Variants in DOCK9 observed in about 807,000 individuals in gnomAD.
DOCK9 encodes the protein dedicator of cytokinesis 9.
In DOCK9, 89 loss-of-function variants were observed where a neutral mutation model predicts 263.3. The observed-to-expected ratio is 0.34, with a 90% CI of 0.28 to 0.40. The LOEUF (loss-of-function observed/expected upper bound fraction) is 0.40. Ranked by LOEUF, DOCK9 falls within the 10% of genes least tolerant of loss-of-function variation. DOCK9 has a pLI of 1.00. For synonymous variants in DOCK9, 976 were observed against 973.1 expected, an observed-to-expected ratio of 1.00 and a Z score of -0.06; for missense variants, 2,140 against 2,603.4, an observed-to-expected ratio of 0.82 and a Z score of 3.87.
chr13:98,953,077 GACAGTTAATA>G (rs2057639036), intron 2 of DOCK9, among the ~76,000 whole-genome samples: 1 of 152,154 alleles, frequency 6.6e-6, no homozygotes, highest in Non-Finnish European at 1.5e-5. Context: ...CAGCTAATTA[GACAGTTAATA>G]ACATCACTGA....
intron 1 of DOCK9, among the ~76,000 whole-genome samples, chr13:98,972,066 A>G (rs2059791321): frequency 6.6e-6 from 1 of 152,126 alleles, no homozygotes; most frequent in East Asian, 1.9e-4. Flanking sequence ...CCAGGTATGG[A>G]TTTTAGAAAA....
At chr13:99,052,445 C>T (rs1325450917) in intron 1 of DOCK9, among the ~76,000 whole-genome samples, 1 of 152,184 alleles carries the variant, frequency 6.6e-6, no homozygotes, top group African/African-American at 2.4e-5. Context: ...AGACCACACT[C>T]CGTATCCAAG....
At chr13:98,876,582 T>C (rs527912479) in intron 27 of DOCK9, among the ~76,000 whole-genome samples, 28 of 152,320 alleles carry the variant, frequency 1.8e-4, no homozygotes, top group African/African-American at 6.3e-4. Context: ...GGTACAGGAA[T>C]GGTGAATATT....
chr13:98,957,302 T>C (rs1423482964), intron 1 of DOCK9, among the ~76,000 whole-genome samples: 1 of 151,984 alleles, frequency 6.6e-6, no homozygotes, highest in Non-Finnish European at 1.5e-5. Flanking sequence ...GATTCTGGAG[T>C]TGCCTGAAGT....
chr13:98,881,237 A>T lies in DOCK9; in HGVS notation c.2745+321T>A, dbSNP rs893475931. Among the ~76,000 whole-genome samples, 106 of 152,330 alleles carry T rather than the reference A, an allele frequency of 7.0e-4. 1 individual carries two copies. Among genetic ancestry groups the T allele is most frequent in the African/African-American group, 2.3e-3 (94 of 41,574 alleles). On this transcript the variant is annotated intron_variant, in intron 25 of 52. Coordinates refer to ENST00000682017, the MANE Select transcript of DOCK9 (RefSeq NM_001366683.2). ...GAAAGTTTAGATGGAAAGAAAAAAA[A>T]AAAGGAAGACAACTAACGTTAGCAG...
At chr13:98,984,450 A>G (rs1349039923) in intron 1 of DOCK9, among the ~76,000 whole-genome samples, 2 of 152,242 alleles carry the variant, frequency 1.3e-5, no homozygotes, top group African/African-American at 4.8e-5. Context: ...AACATAACCA[A>G]TAAAAACTGT....
At chr13:98,881,363 T>C (rs2044726938) in intron 25 of DOCK9, among the ~76,000 whole-genome samples, 195 bp downstream of exon 25, 1 of 152,232 alleles carries the variant, frequency 6.6e-6, no homozygotes. Flanking sequence ...AGGAATGGAA[T>C]TAAGTAAATT....
At chr13:98,811,424 G>GT (rs34613809) in intron 45 of DOCK9, among the ~76,000 whole-genome samples, 54,683 of 149,762 alleles carry the variant, frequency 0.37, 10,295 homozygotes, top group African/African-American at 0.41. Context: ...TGTCTCTAGG[G>GT]TTTTTTTTTT....
At chr13:99,050,291 A>T (rs2040625838) in intron 1 of DOCK9, among the ~76,000 whole-genome samples, 1 of 152,234 alleles carries the variant, frequency 6.6e-6, no homozygotes, top group Non-Finnish European at 1.5e-5. Context: ...AAAAAAAAGC[A>T]AAACCACTTC....
At chr13:99,015,537 C>T (rs1035157610) in intron 1 of DOCK9, 7 of 1,598,300 alleles carry the variant, frequency 4.4e-6, no homozygotes, top group Non-Finnish European at 5.9e-6. Context: ...GCTGTTTGCA[C>T]ATATAAGCAC....
intron 32 of DOCK9, among the ~76,000 whole-genome samples, chr13:98,861,323 G>T (rs1246336428): frequency 6.6e-6 from 1 of 152,200 alleles, no homozygotes; most frequent in Non-Finnish European, 1.5e-5. Context: ...CTGCATCACT[G>T]TTGGGGTGGG....
In DOCK9 at chr13:98,921,093, G is replaced by A. The variant is rs368785476; in HGVS notation, c.583-5C>T. On this transcript the variant is annotated splice_polypyrimidine_tract_variant and splice_region_variant and intron_variant, in intron 6 of 52. Coordinates refer to ENST00000682017, the MANE Select transcript of DOCK9 (RefSeq NM_001366683.2). ...GAAAAATCGTCTCTTAAATGACTGA[G>A]AGAAAAATATACACACAGCTATTCT... The A allele has an allele frequency of 4.1e-5, 66 of 1,594,734 alleles. No homozygotes were observed. The highest frequency in any genetic ancestry group is 5.6e-5 in the Non-Finnish European group (66 of 1,170,690).
At position 98,902,298 on chromosome 13, in the gene DOCK9, T is replaced by C; in HGVS notation, c.1370A>G (p.Tyr457Cys). Residue 457 changes from tyrosine (Y) to cysteine (C), a missense_variant, in exon 12 of 53, where the codon TAT (tyrosine) becomes TGT (cysteine). Physicochemically the swap from Tyr to Cys is radical, Grantham distance 194. Around this residue, in one of 2 missense-constraint regions of DOCK9, gnomAD observed 1,521 missense variants for 1,741.7 expected, o/e 0.87. Transcript: ENST00000682017. Reference sequence around the variant, plus strand: ...GCTCATACTCCCCACCTGCTTCGGATACTGCATGGCGGCTTCATGAAGGAT... The same window carrying C: ...GCTCATACTCCCCACCTGCTTCGGACACTGCATGGCGGCTTCATGAAGGAT... The part of the protein sequence containing the change: ...KGILHEAAMQ[Y>C]PKQGIFSVTC... 6.2e-7 allele frequency: 1 copy of C among 1,613,746 alleles called. No individual in the cohort carries two copies. The highest frequency in any genetic ancestry group is 1.3e-5 in the African/African-American group (1 of 75,050).
chr13:98,901,667 T>G, intron 13 of DOCK9, 111 bp downstream of exon 13: 1 of 1,242,132 alleles, frequency 8.1e-7, no homozygotes, highest in Admixed American at 2.8e-5. Flanking sequence ...TCTACATCTT[T>G]TAGAGTATAA....
At chr13:98,810,351 C>A in intron 45 of DOCK9, 60 bp from the exon 46 acceptor site, 2 of 1,595,926 alleles carry the variant, frequency 1.3e-6, no homozygotes, top group African/African-American at 1.3e-5. Flanking sequence ...TGACATGGCA[C>A]CCGTTGCAGA....
intron 45 of DOCK9, among the ~76,000 whole-genome samples, chr13:98,813,503 T>C (rs931939354): frequency 1.3e-5 from 2 of 152,198 alleles, no homozygotes; most frequent in African/African-American, 4.8e-5. Context: ...ATTCTGTTGA[T>C]ATGATCAATT....
intron 18 of DOCK9, among the ~76,000 whole-genome samples, chr13:98,887,139 ATATATTTTT>A (rs2045844224): frequency 2.1e-5 from 1 of 48,778 alleles, no homozygotes; most frequent in Admixed American, 2.5e-4. Context: ...ATATATATAT[ATATATTTTT>A]TTTTTTTTTT....
At chr13:98,859,773 G>T in intron 33 of DOCK9, 1 of 87,752 alleles carries the variant, frequency 1.1e-5, no homozygotes, top group Non-Finnish European at 2.6e-5. Flanking sequence ...ATATATATAT[G>T]TAAACTGCTA....
intron 33 of DOCK9, chr13:98,856,643 A>G (rs1698900981): frequency 6.6e-6 from 1 of 152,270 alleles, no homozygotes; most frequent in South Asian, 2.1e-4. Flanking sequence ...TCTGACCCAA[A>G]GGCTGAGAAG....
Sources: allele counts gnomAD v4.1 joint callset (sites outside exome capture counted in the v4.1 genomes callset), GRCh38; gene constraint gnomAD v4.1.1; regional missense constraint gnomAD v4.1.1; transcripts MANE v1.5; gene names NCBI Gene and HGNC (gene_info 2026-07-23, HGNC 2026-07-21).